The following CNTN5 variants were observed in gnomAD, a reference collection of about 807,000 sequenced individuals.
The protein encoded by CNTN5 is contactin 5, also known as contactin-5.
CNTN5 carries 77 observed loss-of-function variants against 129.1 expected under a neutral mutation model. The observed-to-expected ratio is 0.60, with a 90% CI of 0.50 to 0.72. The LOEUF is 0.72. CNTN5 is among the 30% of genes least tolerant of loss of function. CNTN5 has a pLI of 0.00. For missense variants in CNTN5, 1,478 were observed against 1,328.8 expected, an observed-to-expected ratio of 1.11 and a Z score of -1.75; for synonymous variants, 509 against 465.6, an observed-to-expected ratio of 1.09 and a Z score of -1.20.
At chr11:99,686,685 CG>C (rs1218767279) in intron 3 of CNTN5, among the ~76,000 whole-genome samples, 1 of 151,872 alleles carries the variant, frequency 6.6e-6, no homozygotes, top group Non-Finnish European at 1.5e-5. Flanking sequence ...TGTATATTTT[CG>C]GGGACTTTAG....
chr11:100,214,359 T>C (rs1949097893), intron 15 of CNTN5, among the ~76,000 whole-genome samples: 1 of 152,190 alleles, frequency 6.6e-6, no homozygotes, highest in Admixed American at 6.5e-5. Flanking sequence ...CTAGTCGTGC[T>C]AGGCCTTCTT....
intron 3 of CNTN5, among the ~76,000 whole-genome samples, chr11:99,562,221 C>T (rs1039846946): frequency 1.3e-5 from 2 of 152,130 alleles, no homozygotes; most frequent in African/African-American, 4.8e-5. Context: ...TTCTGGCCAT[C>T]TTATCTTAAC....
chr11:99,229,883 T>C (rs1260058465), intron 1 of CNTN5, among the ~76,000 whole-genome samples: 1 of 152,124 alleles, frequency 6.6e-6, no homozygotes, highest in East Asian at 1.9e-4. Flanking sequence ...TCTGTCTATC[T>C]ATCTGTCTAG....
chr11:99,758,735 C>T (rs1192652949), intron 3 of CNTN5, among the ~76,000 whole-genome samples: 3 of 151,806 alleles, frequency 2.0e-5, no homozygotes, highest in East Asian at 1.9e-4. Context: ...GGGGAAAGAA[C>T]AGAAGACAGG....
At chr11:99,323,868 G>T (rs1865671657) in intron 1 of CNTN5, among the ~76,000 whole-genome samples, 1 of 152,018 alleles carries the variant, frequency 6.6e-6, no homozygotes, top group Non-Finnish European at 1.5e-5. Flanking sequence ...AGAATGAAGG[G>T]AGAAGAAAAA....
chr11:100,054,965 G>A (rs983142298), intron 9 of CNTN5, among the ~76,000 whole-genome samples: 13 of 138,244 alleles, frequency 9.4e-5, no homozygotes, highest in African/African-American at 1.3e-4. Flanking sequence ...AGAGTAGAGA[G>A]TCATAGATTT....
intron 13 of CNTN5, among the ~76,000 whole-genome samples, chr11:100,175,497 T>C (rs918622119): frequency 1.3e-5 from 2 of 152,166 alleles, no homozygotes; most frequent in Non-Finnish European, 2.9e-5. Flanking sequence ...GATTCAAGTA[T>C]ATTCAGTTTG....
At chr11:100,200,069 C>CAA (rs1948742107) in intron 15 of CNTN5, among the ~76,000 whole-genome samples, 1 of 151,876 alleles carries the variant, frequency 6.6e-6, no homozygotes, top group Non-Finnish European at 1.5e-5. Context: ...ACTTTTTACA[C>CAA]AAAATGGAAT....
intron 2 of CNTN5, among the ~76,000 whole-genome samples, chr11:99,373,824 TTTG>T: frequency 6.6e-6 from 1 of 152,060 alleles, no homozygotes; most frequent in Non-Finnish European, 1.5e-5. Flanking sequence ...ATGTCCATAT[TTTG>T]TTAACATAAT....
intron 1 of CNTN5, among the ~76,000 whole-genome samples, chr11:99,118,454 A>G (rs1410531273): frequency 6.6e-6 from 1 of 152,150 alleles, no homozygotes; most frequent in Non-Finnish European, 1.5e-5. Flanking sequence ...AGCAATGTAG[A>G]TGACTATTTC....
At chr11:99,855,536 G>A (rs1948005546) in intron 6 of CNTN5, among the ~76,000 whole-genome samples, 1 of 152,142 alleles carries the variant, frequency 6.6e-6, no homozygotes, top group Non-Finnish European at 1.5e-5. Context: ...GAACAACACA[G>A]CTTCATGGAC....
chr11:99,081,532 T>A lies in CNTN5; in HGVS notation c.-210+60262T>A, dbSNP rs565397172. ...CAAATGCATTTCTCAGAAGTTTCAA[T>A]CTCATACCTAAACAATGATCTCAGG... On this transcript the variant is annotated intron_variant, in intron 1 of 24. Coordinates refer to ENST00000524871, the MANE Select transcript of CNTN5 (RefSeq NM_014361.4). 2.6e-5 allele frequency among the ~76,000 whole-genome samples: 4 copies of A among 152,316 alleles called. No individual in the cohort carries two copies. In the South Asian group the frequency reaches 8.3e-4, roughly 32 times the overall value.
chr11:99,870,360 C>T (rs986777134), intron 6 of CNTN5, among the ~76,000 whole-genome samples: 1 of 152,060 alleles, frequency 6.6e-6, no homozygotes, highest in African/African-American at 2.4e-5. Context: ...GTTCCAACCC[C>T]ACTTTACCAT....
At chr11:99,150,716 A>C (rs539794441) in intron 1 of CNTN5, among the ~76,000 whole-genome samples, 1 of 152,166 alleles carries the variant, frequency 6.6e-6, no homozygotes, top group African/African-American at 2.4e-5. Flanking sequence ...AAAAAATAGC[A>C]GTCGTATTCA....
chr11:99,958,623 A>G (rs886169258), intron 8 of CNTN5, among the ~76,000 whole-genome samples: 3 of 152,180 alleles, frequency 2.0e-5, no homozygotes, highest in African/African-American at 7.2e-5. Flanking sequence ...TATTATGCCA[A>G]CTTCAAGATT....
At chr11:99,826,054 G>C (rs1317816920) in intron 4 of CNTN5, among the ~76,000 whole-genome samples, 1 of 151,906 alleles carries the variant, frequency 6.6e-6, no homozygotes, top group East Asian at 1.9e-4. Context: ...TCCTGAATTT[G>C]TACTTTGGAG....
intron 3 of CNTN5, among the ~76,000 whole-genome samples, chr11:99,802,053 A>G (rs929173312): frequency 1.3e-4 from 20 of 152,290 alleles, no homozygotes; most frequent in Non-Finnish European, 8.8e-5. Flanking sequence ...GTTTTCCCAC[A>G]ATATTATTGT....
chr11:99,975,682 A>G (rs895712778), intron 8 of CNTN5, among the ~76,000 whole-genome samples: 8 of 152,096 alleles, frequency 5.3e-5, no homozygotes, highest in African/African-American at 1.9e-4. Flanking sequence ...TTGAAATATC[A>G]GATCTCATGA....
intron 1 of CNTN5, among the ~76,000 whole-genome samples, chr11:99,063,832 T>C (rs1864988232): frequency 6.6e-6 from 1 of 152,088 alleles, no homozygotes; most frequent in Non-Finnish European, 1.5e-5. Flanking sequence ...CTAGACCCCA[T>C]CCAGTAAAAA....
Sources: allele counts gnomAD v4.1 joint callset (sites outside exome capture counted in the v4.1 genomes callset), GRCh38; gene constraint gnomAD v4.1.1; transcripts MANE v1.5; gene names NCBI Gene and HGNC (gene_info 2026-07-23, HGNC 2026-07-21).